CFAP44: variants seen among roughly 807,000 people sequenced by gnomAD.
CFAP44 encodes the protein cilia- and flagella-associated protein 44.
In CFAP44, 134 loss-of-function variants were observed where a neutral mutation model predicts 216.2. That is an observed-to-expected ratio of 0.62 (90% CI 0.54 to 0.72). The LOEUF (loss-of-function observed/expected upper bound fraction) is 0.72, where lower values mean the gene tolerates loss of function less well. CFAP44 is among the 30% of genes least tolerant of loss of function. CFAP44 has a pLI of 0.00. For synonymous variants in CFAP44, 700 were observed against 727.6 expected (o/e 0.96, Z 0.61); for missense variants, 2,035 against 2,182.1 (o/e 0.93, Z 1.34).
At chr3:113,352,015 G>A (rs556476066) in intron 22 of CFAP44, among the ~76,000 whole-genome samples, 20 of 152,284 alleles carry the variant, frequency 1.3e-4, no homozygotes, top group African/African-American at 4.6e-4. Flanking sequence ...AGTAGCTGGA[G>A]CAGTCATTGC....
At chr3:113,425,791 A>G (rs1240761776) in intron 4 of CFAP44, among the ~76,000 whole-genome samples, 1 of 152,202 alleles carries the variant, frequency 6.6e-6, no homozygotes, top group Non-Finnish European at 1.5e-5. Flanking sequence ...TTAAATTAAG[A>G]TCATGCATTT....
chr3:113,392,422 G>A (rs1239171480), intron 15 of CFAP44, among the ~76,000 whole-genome samples: 2 of 151,796 alleles, frequency 1.3e-5, no homozygotes, highest in African/African-American at 4.8e-5. Context: ...GTGTGGCGGG[G>A]GGTGGGGTGC....
chr3:113,331,665 G>A (rs554308642), intron 25 of CFAP44, among the ~76,000 whole-genome samples: 1 of 151,740 alleles, frequency 6.6e-6, no homozygotes, highest in African/African-American at 2.4e-5. Flanking sequence ...TGCAGATTAG[G>A]CCACCAAGAA....
chr3:113,415,803 T>C (rs1009798962), intron 6 of CFAP44, among the ~76,000 whole-genome samples: 1 of 152,162 alleles, frequency 6.6e-6, no homozygotes, highest in African/African-American at 2.4e-5. Flanking sequence ...TTAGTATAAG[T>C]ATCATGTGGC....
In CFAP44 at chr3:113,401,590, C is replaced by A. The variant is rs1156344908; in HGVS notation, c.1320G>T (p.Leu440Phe). 1.2e-6 allele frequency: 2 copies of A among 1,613,000 alleles called. No homozygotes were observed. The highest frequency in any genetic ancestry group is 1.7e-6 in the Non-Finnish European group (2 of 1,179,580). Reference sequence around the variant, plus strand: ...AGACAAGAATGCAACACACCTGAGCCAACCAAAAGTTATTTCCAGTTTCAT... The same window carrying A: ...AGACAAGAATGCAACACACCTGAGCAAACCAAAAGTTATTTCCAGTTTCAT... ...KMNETGNNFW[L>F]AQDANGAIWK... The change falls in exon 10 of 35, where the codon TTG becomes TTT. Residue 440 changes from leucine to phenylalanine, a missense_variant. Transcript: ENST00000393845.
chr3:113,391,932 T>C (rs180916033), intron 15 of CFAP44, among the ~76,000 whole-genome samples: 1 of 152,110 alleles, frequency 6.6e-6, no homozygotes. Flanking sequence ...GAGTAAATTA[T>C]ACTGTTGGTA....
intron 9 of CFAP44, 48 bp from the exon 10 acceptor site, chr3:113,401,787 C>A (rs760739204): frequency 3.3e-6 from 5 of 1,521,522 alleles, no homozygotes; most frequent in Non-Finnish European, 4.4e-6. Context: ...AGTTTCTGAA[C>A]ATTTATTTTC....
chr3:113,407,441 T>C (rs1934318603), intron 7 of CFAP44, among the ~76,000 whole-genome samples: 1 of 152,214 alleles, frequency 6.6e-6, no homozygotes, highest in Non-Finnish European at 1.5e-5. Flanking sequence ...AGCTATTGTA[T>C]TAGACAGCAT....
In CFAP44 at chr3:113,294,768, G is replaced by A; in HGVS notation, c.5292C>T (p.Thr1764=). The part of the protein sequence containing the change: ...WELMMKTKEH[T]RKLYQMNDLC... ...AATCATTCATCTGATAAAGCTTTCT[G>A]GTGTGTTCTTTTGTCTTCATCATCA... Residue 1764 remains threonine (T), a synonymous_variant, in exon 34 of 35, where the codon ACC becomes ACT. Transcript: ENST00000393845. The A allele has an allele frequency of 6.5e-7, 1 of 1,535,602 alleles. No homozygotes were observed. Among genetic ancestry groups the A allele is most frequent in the Non-Finnish European group, 8.7e-7 (1 of 1,146,242 alleles).
intron 1 of CFAP44, among the ~76,000 whole-genome samples, chr3:113,440,081 T>C (rs1276436105): frequency 6.6e-6 from 1 of 152,202 alleles, no homozygotes; most frequent in East Asian, 1.9e-4. Flanking sequence ...ATTTATGTAT[T>C]GAGATGGAGT....
chr3:113,380,042 T>G (rs1319489568), intron 16 of CFAP44, among the ~76,000 whole-genome samples: 1 of 152,154 alleles, frequency 6.6e-6, no homozygotes, highest in Non-Finnish European at 1.5e-5. Context: ...TAAATTTTAT[T>G]TATTATTATT....
rs1381162319 is a variant in CFAP44 at position 113,330,353 on chromosome 3, AAG to A, written c.3929_3930del (p.Ser1310PhefsTer2). On this transcript the variant is annotated frameshift_variant, in exon 26 of 35. Coordinates refer to ENST00000393845, the MANE Select transcript of CFAP44 (RefSeq NM_001164496.2). LOFTEE classifies it high-confidence loss of function. ...GGPVGGFLKL[S>X]SRKDGDLTTR... is the part of the protein sequence containing the mutation. The stretch of plus-strand genomic sequence containing the variant: ...GTTGTCAAATCCCCATCCTTTCTAG[AAG>A]AGAGTTTGAGGAATCCTCCAACTGG... The A allele has an allele frequency of 6.5e-7, 1 of 1,537,182 alleles. No homozygotes were observed. The highest frequency in any genetic ancestry group is 8.7e-7 in the Non-Finnish European group (1 of 1,146,918).
chr3:113,396,142 TAAAG>T (rs1436492115), intron 14 of CFAP44, among the ~76,000 whole-genome samples: 1 of 152,180 alleles, frequency 6.6e-6, no homozygotes, highest in African/African-American at 2.4e-5. Flanking sequence ...TATTAGTGCA[TAAAG>T]AATTTACACA....
chr3:113,296,214 A>G (rs1373344371), intron 33 of CFAP44, among the ~76,000 whole-genome samples: 4 of 152,166 alleles, frequency 2.6e-5, no homozygotes, highest in African/African-American at 4.8e-5. Context: ...GTGTTGCTGC[A>G]AAGGACATGA....
Position 113,363,477 on chromosome 3 carries a change from C to T in CFAP44, c.2771G>A (p.Ser924Asn). The change falls in exon 20 of 35, where the codon AGT becomes AAT. Residue 924 changes from serine (S) to asparagine (N), a missense_variant and splice_region_variant. By Grantham distance (46) the Ser-to-Asn change is conservative (BLOSUM62 1). Coordinates refer to ENST00000393845, the MANE Select transcript of CFAP44 (RefSeq NM_001164496.2). ...CAGTATTTATCAAAAATTCCCATACCTGTAGGCTTTGGGATCTTCAATGTC... is the reference window on the plus strand; with the variant it reads ...CAGTATTTATCAAAAATTCCCATACTTGTAGGCTTTGGGATCTTCAATGTC... The part of the protein sequence containing the change: ...PEDIEDPKAY[S>N]IENARRKREH... The T allele has an allele frequency of 6.2e-7, 1 of 1,610,150 alleles. No individual in the cohort carries two copies. The highest frequency in any genetic ancestry group is 8.5e-7 in the Non-Finnish European group (1 of 1,178,674).
chr3:113,383,918 A>G (rs1694041321), intron 15 of CFAP44, among the ~76,000 whole-genome samples: 1 of 141,768 alleles, frequency 7.1e-6, no homozygotes, highest in Non-Finnish European at 1.5e-5. Context: ...ACCCCCTGCC[A>G]GGCCCCAGTG....
intron 8 of CFAP44, among the ~76,000 whole-genome samples, chr3:113,404,344 G>C (rs1184394391): frequency 6.6e-6 from 1 of 152,126 alleles, no homozygotes; most frequent in Non-Finnish European, 1.5e-5. Flanking sequence ...TTAGATGAGA[G>C]TCTACTTTTT....
chr3:113,350,305 A>G (rs1488494801), intron 22 of CFAP44, among the ~76,000 whole-genome samples: 1 of 152,098 alleles, frequency 6.6e-6, no homozygotes, highest in East Asian at 1.9e-4. Flanking sequence ...GAAGAAAGAA[A>G]GAGACAGAAA....
chr3:113,344,489 T>A, intron 23 of CFAP44, 27 bp downstream of exon 23: 1 of 1,525,326 alleles, frequency 6.6e-7, no homozygotes, highest in Non-Finnish European at 8.8e-7. Flanking sequence ...TAAATAAGAA[T>A]TTAAAAGCCT....
Sources: gnomAD v4.1 joint callset for allele counts (sites outside exome capture counted in the v4.1 genomes callset) on GRCh38, gnomAD v4.1.1 for gene constraint, MANE v1.5 for transcripts, NCBI Gene and HGNC (gene_info 2026-07-23, HGNC 2026-07-21) for gene names.